SH3RF3: variants seen among roughly 807,000 people sequenced by gnomAD.
SH3RF3 encodes the protein SH3 domain containing ring finger 3, also known as E3 ubiquitin-protein ligase SH3RF3.
Under a neutral mutation model 66.3 loss-of-function variants are expected in SH3RF3, and 29 were observed. The ratio of observed to expected loss-of-function variants is 0.44; its 90% CI spans 0.33 to 0.60. The LOEUF (loss-of-function observed/expected upper bound fraction) is 0.60, where lower values mean the gene tolerates loss of function less well. SH3RF3 is among the 20% of genes least tolerant of loss of function. The pLI is 0.04. For missense variants in SH3RF3, 1,194 were observed against 1,190.9 expected, an observed-to-expected ratio of 1.00 and a Z score of -0.04; for synonymous variants, 583 against 532.0, an observed-to-expected ratio of 1.10 and a Z score of -1.32.
chr2:109,501,803 G>C lies in SH3RF3; in HGVS notation c.*132G>C. 1.6e-6 allele frequency: 1 copy of C among 613,150 alleles called. No individual in the cohort carries two copies. The highest frequency in any genetic ancestry group is 2.9e-6 in the Non-Finnish European group (1 of 342,676). 38.0% of individuals were successfully genotyped at this position (613,150 alleles called of 1,614,324 possible). On this transcript the variant is annotated 3_prime_UTR_variant, in exon 10 of 10. Transcript: ENST00000309415. ...AAGGCACCTGGCGGGGGATACCCTG[G>C]CCCAGGGTGGGGGCCAGGGACTGTG...
At chr2:109,409,392 G>A (rs767904291) in intron 4 of SH3RF3, among the ~76,000 whole-genome samples, 2 of 152,232 alleles carry the variant, frequency 1.3e-5, no homozygotes, top group Non-Finnish European at 2.9e-5. Context: ...TATCAGAGCA[G>A]CTGGAGACAG....
At chr2:109,417,289 C>A (rs12987015) in intron 4 of SH3RF3, among the ~76,000 whole-genome samples, 13,257 of 152,206 alleles carry the variant, frequency 0.087, 629 homozygotes, top group African/African-American at 0.12. Context: ...CCCACCTACA[C>A]CTCCATGGAT....
At chr2:109,259,507 AAGTC>A (rs1680300653) in intron 1 of SH3RF3, among the ~76,000 whole-genome samples, 2 of 152,172 alleles carry the variant, frequency 1.3e-5, no homozygotes, top group South Asian at 4.1e-4. Context: ...CTTCTGTGCA[AAGTC>A]AGGACTCTCC....
chr2:109,482,074 G>C (rs1678850001), intron 8 of SH3RF3, among the ~76,000 whole-genome samples: 1 of 152,178 alleles, frequency 6.6e-6, no homozygotes, highest in African/African-American at 2.4e-5. Flanking sequence ...AGGCAGTAGA[G>C]CCACAGTTAA....
chr2:109,396,399 T>G (rs1366152447), intron 3 of SH3RF3, among the ~76,000 whole-genome samples: 1 of 152,146 alleles, frequency 6.6e-6, no homozygotes, highest in African/African-American at 2.4e-5. Flanking sequence ...AAGGCAGATA[T>G]TCGTAGTGGA....
chr2:109,435,892 C>T (rs1482207919), intron 6 of SH3RF3, among the ~76,000 whole-genome samples: 1 of 152,200 alleles, frequency 6.6e-6, no homozygotes, highest in Non-Finnish European at 1.5e-5. Context: ...TTCAGCACAG[C>T]TCTGAGGGCT....
At chr2:109,149,627 C>T (rs1453067186) in intron 1 of SH3RF3, among the ~76,000 whole-genome samples, 1 of 152,168 alleles carries the variant, frequency 6.6e-6, no homozygotes, top group Non-Finnish European at 1.5e-5. Flanking sequence ...TCTCCCTGCA[C>T]GTGTCCATTG....
intron 7 of SH3RF3, 64 bp from the exon 8 acceptor site, chr2:109,449,106 C>CGG: frequency 1.9e-6 from 3 of 1,545,506 alleles, no homozygotes; most frequent in Admixed American, 1.9e-5. Context: ...TTGCAGCTGC[C>CGG]TGGCAGGCAT....
chr2:109,153,538 G>T (rs1340550222), intron 1 of SH3RF3, among the ~76,000 whole-genome samples: 1 of 152,240 alleles, frequency 6.6e-6, no homozygotes, highest in East Asian at 1.9e-4. Context: ...TCGGCTCAGT[G>T]TGCAATGCCT....
intron 2 of SH3RF3, among the ~76,000 whole-genome samples, chr2:109,360,796 G>T (rs568053073): frequency 6.6e-6 from 1 of 152,096 alleles, no homozygotes; most frequent in Non-Finnish European, 1.5e-5. Context: ...CTCCCAATCT[G>T]TACACTTTTA....
At chr2:109,133,806 C>A (rs1676752557) in intron 1 of SH3RF3, among the ~76,000 whole-genome samples, 2 of 149,924 alleles carry the variant, frequency 1.3e-5, no homozygotes, top group Non-Finnish European at 1.5e-5. Flanking sequence ...ATTATGAGTA[C>A]AACTTGCATT....
chr2:109,345,749 A>C (rs1381158556), intron 1 of SH3RF3, among the ~76,000 whole-genome samples: 1 of 152,214 alleles, frequency 6.6e-6, no homozygotes, highest in Non-Finnish European at 1.5e-5. Context: ...TAGAACAGGG[A>C]ACCTTACTCT....
At chr2:109,270,556 C>T (rs560434067) in intron 1 of SH3RF3, among the ~76,000 whole-genome samples, 22 of 152,228 alleles carry the variant, frequency 1.4e-4, no homozygotes, top group South Asian at 2.1e-4. Context: ...GGTGACAGCC[C>T]GGGGCAGTGT....
At chr2:109,363,010 A>G (rs944723194) in intron 2 of SH3RF3, among the ~76,000 whole-genome samples, 1 of 152,198 alleles carries the variant, frequency 6.6e-6, no homozygotes, top group Non-Finnish European at 1.5e-5. Flanking sequence ...TTATTTTATC[A>G]ACTTAAAATT....
chr2:109,215,344 G>A (rs1679082425), intron 1 of SH3RF3, among the ~76,000 whole-genome samples: 2 of 152,178 alleles, frequency 1.3e-5, no homozygotes, highest in African/African-American at 4.8e-5. Flanking sequence ...CAGGAGAGTT[G>A]ATTTAACACC....
intron 8 of SH3RF3, among the ~76,000 whole-genome samples, chr2:109,466,705 T>G (rs1358999182): frequency 6.6e-6 from 1 of 152,240 alleles, no homozygotes; most frequent in African/African-American, 2.4e-5. Flanking sequence ...TTCATAGTTT[T>G]GCATTTTACA....
At chr2:109,183,323 C>T (rs1468745587) in intron 1 of SH3RF3, among the ~76,000 whole-genome samples, 1 of 151,978 alleles carries the variant, frequency 6.6e-6, no homozygotes, top group Admixed American at 6.6e-5. Flanking sequence ...AATAAAGTAA[C>T]TGATAAGTGC....
At chr2:109,153,431 T>C (rs1677267137) in intron 1 of SH3RF3, among the ~76,000 whole-genome samples, 3 of 152,200 alleles carry the variant, frequency 2.0e-5, no homozygotes, top group African/African-American at 7.2e-5. Context: ...GACAGATTAG[T>C]TCTGCTGAGA....
intron 3 of SH3RF3, among the ~76,000 whole-genome samples, chr2:109,382,036 G>T (rs1675694383): frequency 6.6e-6 from 1 of 152,128 alleles, no homozygotes; most frequent in South Asian, 2.1e-4. Flanking sequence ...TCCATAAGTT[G>T]CTGAAACTGG....
Sources: allele counts gnomAD v4.1 joint callset (sites outside exome capture counted in the v4.1 genomes callset), GRCh38; gene constraint gnomAD v4.1.1; transcripts MANE v1.5; gene names NCBI Gene and HGNC (gene_info 2026-07-23, HGNC 2026-07-21).